Variants in VTI1A observed in about 807,000 individuals in gnomAD.
VTI1A encodes vesicle transport through interaction with t-SNAREs 1A.
A neutral mutation model predicts 34.9 loss-of-function variants in VTI1A; 22 were observed. That is an observed-to-expected ratio of 0.63 (90% CI 0.45 to 0.90). VTI1A has a LOEUF of 0.90. Ranked by LOEUF, VTI1A falls within the 40% of genes least tolerant of loss-of-function variation. VTI1A has a pLI of 0.00. For synonymous variants in VTI1A, 87 were observed against 97.3 expected (o/e 0.89, Z 0.62); for missense variants, 268 against 275.6 (o/e 0.97, Z 0.20).
At chr10:112,696,970 C>A (rs1225608379) in intron 7 of VTI1A, among the ~76,000 whole-genome samples, 1 of 152,148 alleles carries the variant, frequency 6.6e-6, no homozygotes, top group Admixed American at 6.5e-5. Context: ...TTCAATAAAG[C>A]ATTCCATGAT....
chr10:112,668,396 G>A lies in VTI1A; in HGVS notation c.498+108G>A, dbSNP rs1291645280. The A allele has an allele frequency of 1.1e-5, 13 of 1,198,662 alleles. No homozygotes were observed. The East Asian group carries it at 3.1e-4, about 28-fold the overall frequency. 74.3% of individuals were successfully genotyped at this position (1,198,662 alleles called of 1,614,324 possible). On this transcript the variant is annotated intron_variant, in intron 6 of 7. Transcript: ENST00000393077. ...TTAGGTAGATATATGTGTGTAAGGT[G>A]AAAGAGGGTATAAGGTCTGTGGAAA...
intron 7 of VTI1A, among the ~76,000 whole-genome samples, chr10:112,730,823 A>C (rs1342340428): frequency 6.6e-6 from 1 of 152,206 alleles, no homozygotes; most frequent in Admixed American, 6.5e-5. Flanking sequence ...AACTGAAATC[A>C]TCAAAGACTA....
Position 112,673,468 on chromosome 10 carries a change from G to A in VTI1A, c.560+4470G>A, listed in dbSNP as rs72824020. 2.2e-3 allele frequency among the ~76,000 whole-genome samples: 341 copies of A among 151,664 alleles called. 2 individuals carry two copies. Among genetic ancestry groups the A allele is most frequent in the African/African-American group, 7.0e-3 (289 of 41,444 alleles). On this transcript the variant is annotated intron_variant, in intron 7 of 7. Coordinates refer to ENST00000393077, the MANE Select transcript of VTI1A (RefSeq NM_145206.4). The stretch of plus-strand genomic sequence containing the variant: ...TTCACACACATGCGCGCGTGCGCGC[G>A]CACACACACACACACGCACTCAGAT...
chr10:112,803,099 G>A (rs1035835137), intron 7 of VTI1A, among the ~76,000 whole-genome samples: 26 of 151,874 alleles, frequency 1.7e-4, no homozygotes, highest in African/African-American at 6.0e-4. Flanking sequence ...ACGAAGTTTC[G>A]CTCTTGTTGC....
chr10:112,825,822 G>A, the VTI1A span: 1 of 152,232 alleles, frequency 6.6e-6, no homozygotes, highest in Admixed American at 6.5e-5. Context: ...ATCCTCCTGA[G>A]AGAACCGTGA....
chr10:112,540,726 A>G (rs1327630504), intron 5 of VTI1A, among the ~76,000 whole-genome samples: 1 of 152,208 alleles, frequency 6.6e-6, no homozygotes, highest in African/African-American at 2.4e-5. Context: ...TTGTCAATCC[A>G]TAGCTCTGTG....
At chr10:112,493,904 G>C (rs868755296) in intron 3 of VTI1A, among the ~76,000 whole-genome samples, 1 of 152,104 alleles carries the variant, frequency 6.6e-6, no homozygotes, top group Non-Finnish European at 1.5e-5. Context: ...GTTTACCAGG[G>C]ATACTGGTCT....
At chr10:112,514,247 T>C (rs570514472) in intron 3 of VTI1A, among the ~76,000 whole-genome samples, 3 of 152,146 alleles carry the variant, frequency 2.0e-5, no homozygotes, top group African/African-American at 7.2e-5. Flanking sequence ...GTAGGCTATA[T>C]GTGCCTAGGA....
At chr10:112,656,673 A>T (rs1847243085) in intron 5 of VTI1A, among the ~76,000 whole-genome samples, 1 of 151,608 alleles carries the variant, frequency 6.6e-6, no homozygotes, top group Non-Finnish European at 1.5e-5. Context: ...CCAGCCTACA[A>T]ACTTTATTTC....
At chr10:112,591,388 C>A (rs1031166060) in intron 5 of VTI1A, among the ~76,000 whole-genome samples, 2 of 152,108 alleles carry the variant, frequency 1.3e-5, no homozygotes, top group Non-Finnish European at 2.9e-5. Flanking sequence ...GGTGTGGTGG[C>A]AGGTGCCTGT....
intron 7 of VTI1A, among the ~76,000 whole-genome samples, chr10:112,713,158 C>T (rs1031782216): frequency 2.0e-5 from 3 of 152,132 alleles, no homozygotes; most frequent in Non-Finnish European, 4.4e-5. Context: ...ATATGAAAGA[C>T]CCCTCCCTCC....
At chr10:112,679,022 T>C (rs2133855699) in intron 7 of VTI1A, among the ~76,000 whole-genome samples, 1 of 152,338 alleles carries the variant, frequency 6.6e-6, no homozygotes, top group South Asian at 2.1e-4. Flanking sequence ...TATGCGGCAA[T>C]TGATAATTAT....
intron 5 of VTI1A, among the ~76,000 whole-genome samples, chr10:112,643,946 G>A (rs570740477): frequency 3.2e-4 from 48 of 151,524 alleles, no homozygotes; most frequent in African/African-American, 9.2e-4. Flanking sequence ...CAGAAACACC[G>A]TATATTTTAT....
At chr10:112,684,617 T>G (rs11196055) in intron 7 of VTI1A, among the ~76,000 whole-genome samples, 49,471 of 151,764 alleles carry the variant, frequency 0.33, 9,858 homozygotes, top group East Asian at 0.54. Context: ...TTTTTTGTAT[T>G]TTTAGTAGAG....
chr10:112,462,894 G>GTTTT (rs540335079), intron 2 of VTI1A, among the ~76,000 whole-genome samples: 17 of 142,936 alleles, frequency 1.2e-4, no homozygotes, highest in Middle Eastern at 3.8e-3. Context: ...GTTGTTACTG[G>GTTTT]TTTTTATTTA....
At chr10:112,734,654 C>CT (rs34618895) in intron 7 of VTI1A, among the ~76,000 whole-genome samples, 455 of 138,598 alleles carry the variant, frequency 3.3e-3, no homozygotes, top group Non-Finnish European at 4.7e-3. Context: ...CAATAAATTT[C>CT]TTTTTTTTTT....
intron 7 of VTI1A, among the ~76,000 whole-genome samples, chr10:112,787,472 A>G (rs1590184304): frequency 2.0e-5 from 3 of 152,046 alleles, no homozygotes; most frequent in East Asian, 1.9e-4. Flanking sequence ...GGTAGCTTAG[A>G]TCATTGACTT....
Position 112,527,161 on chromosome 10 carries a change from C to A in VTI1A, c.339C>A (p.Asn113Lys). The stretch of plus-strand genomic sequence containing the variant: ...GGGATGATGGGAATTCCTCAGAGAA[C>A]CAGGTAGAATGCTAATCAGGAAGGC... The part of the protein sequence containing the change: ...LLGDDGNSSE[N>K]QRAHLLDNTE... The change falls in exon 4 of 8, where the codon AAC becomes AAA. Residue 113 changes from asparagine to lysine, a missense_variant. Physicochemically the swap from Asn to Lys is moderately conservative, Grantham distance 94. Coordinates refer to ENST00000393077, the MANE Select transcript of VTI1A (RefSeq NM_145206.4). 6.2e-7 allele frequency: 1 copy of A among 1,613,068 alleles called. No homozygotes were observed. The highest frequency in any genetic ancestry group is 8.5e-7 in the Non-Finnish European group (1 of 1,179,480).
intron 7 of VTI1A, among the ~76,000 whole-genome samples, chr10:112,810,062 ATAAGT>A (rs112223542): frequency 2.3e-4 from 35 of 152,182 alleles, no homozygotes; most frequent in African/African-American, 6.5e-4. Flanking sequence ...ATTTTCTCAT[ATAAGT>A]TAAAGTCCAA....
Sources: allele counts gnomAD v4.1 joint callset (sites outside exome capture counted in the v4.1 genomes callset), GRCh38; gene constraint gnomAD v4.1.1; transcripts MANE v1.5; gene names NCBI Gene and HGNC (gene_info 2026-07-23, HGNC 2026-07-21).